NEK1: variants seen among roughly 807,000 people sequenced by gnomAD.
NEK1 encodes serine/threonine-protein kinase Nek1.
A neutral mutation model predicts 182.1 loss-of-function variants in NEK1; 137 were observed. That is an observed-to-expected ratio of 0.75 (90% CI 0.65 to 0.87). The LOEUF (loss-of-function observed/expected upper bound fraction) is 0.87, where lower values mean the gene tolerates loss of function less well. NEK1 is among the 40% of genes least tolerant of loss of function. NEK1 has a pLI of 0.00. For synonymous variants in NEK1, 513 were observed against 492.2 expected, an observed-to-expected ratio of 1.04 and a Z score of -0.56; for missense variants, 1,391 against 1,494.4, an observed-to-expected ratio of 0.93 and a Z score of 1.14.
At chr4:169,576,512 A>G (rs925811258) in intron 12 of NEK1, 4 of 154,238 alleles carry the variant, frequency 2.6e-5, no homozygotes, top group African/African-American at 9.6e-5. Flanking sequence ...TTCATCTGAA[A>G]TATGACAGAG....
chr4:169,503,234 A>G (rs1391187254), intron 23 of NEK1, among the ~76,000 whole-genome samples: 1 of 152,196 alleles, frequency 6.6e-6, no homozygotes, highest in Non-Finnish European at 1.5e-5. Context: ...TAGATGACAT[A>G]AACAAATGGA....
intron 4 of NEK1, among the ~76,000 whole-genome samples, chr4:169,601,793 G>A (rs553984472): frequency 1.5e-4 from 23 of 151,264 alleles, no homozygotes; most frequent in Admixed American, 1.5e-3. Context: ...CCGAGATCAT[G>A]CCCCTGCACT....
intron 23 of NEK1, among the ~76,000 whole-genome samples, chr4:169,492,319 G>C (rs915866506): frequency 4.1e-4 from 62 of 152,156 alleles, no homozygotes; most frequent in Admixed American, 1.4e-3. Context: ...GGAAACAGAG[G>C]GAACAGAGCC....
intron 2 of NEK1, among the ~76,000 whole-genome samples, chr4:169,608,600 G>C (rs115360205): frequency 6.6e-6 from 1 of 152,014 alleles, no homozygotes; most frequent in African/African-American, 2.4e-5. Flanking sequence ...CTATTACAAC[G>C]ATCTCATTTT....
At chr4:169,483,831 A>C (rs1372821826) in intron 23 of NEK1, among the ~76,000 whole-genome samples, 1 of 141,984 alleles carries the variant, frequency 7.0e-6, no homozygotes, top group Non-Finnish European at 1.5e-5. Flanking sequence ...GTGCCACTGC[A>C]CTCCAGCCTG....
intron 18 of NEK1, among the ~76,000 whole-genome samples, chr4:169,543,696 C>T (rs1003032433): frequency 3.3e-5 from 5 of 152,066 alleles, no homozygotes; most frequent in African/African-American, 1.2e-4. Context: ...TGAAGAGGTC[C>T]TTCACATACC....
At chr4:169,499,668 T>G (rs1387951219) in intron 23 of NEK1, among the ~76,000 whole-genome samples, 1 of 152,192 alleles carries the variant, frequency 6.6e-6, no homozygotes, top group Non-Finnish European at 1.5e-5. Flanking sequence ...GGAGATCCAC[T>G]CCAGACCGTT....
chr4:169,606,969 G>A (rs1400474781), intron 2 of NEK1, among the ~76,000 whole-genome samples: 2 of 152,204 alleles, frequency 1.3e-5, no homozygotes, highest in Non-Finnish European at 2.9e-5. Flanking sequence ...GTATAAAGCA[G>A]CAGTCTTGCT....
At chr4:169,514,953 T>C (rs1754885613) in intron 19 of NEK1, among the ~76,000 whole-genome samples, 1 of 152,156 alleles carries the variant, frequency 6.6e-6, no homozygotes, top group South Asian at 2.1e-4. Flanking sequence ...ACATTTCTTC[T>C]ACTGTCTGCA....
intron 23 of NEK1, among the ~76,000 whole-genome samples, chr4:169,502,112 A>T (rs1000999340): frequency 6.6e-6 from 1 of 152,002 alleles, no homozygotes; most frequent in African/African-American, 2.4e-5. Context: ...TACTATAAAC[A>T]TCCCCATGTG....
At chr4:169,563,232 A>G (rs11943094) in intron 12 of NEK1, among the ~76,000 whole-genome samples, 43,705 of 151,640 alleles carry the variant, frequency 0.29, 8,930 homozygotes, top group African/African-American at 0.59. Flanking sequence ...CATGTGGCCC[A>G]CACCTGTTGT....
intron 23 of NEK1, among the ~76,000 whole-genome samples, chr4:169,504,585 A>G (rs1474306070): frequency 6.6e-6 from 1 of 152,176 alleles, no homozygotes; most frequent in Non-Finnish European, 1.5e-5. Flanking sequence ...TTGCAACAAT[A>G]TGAAAGGAAC....
chr4:169,472,366 T>A (rs1421919808), intron 26 of NEK1, among the ~76,000 whole-genome samples: 3 of 152,096 alleles, frequency 2.0e-5, no homozygotes, highest in Non-Finnish European at 4.4e-5. Flanking sequence ...CAGTCCTTCA[T>A]GGCTTGCCTT....
chr4:169,594,837 G>A (rs1769165102), intron 5 of NEK1, among the ~76,000 whole-genome samples: 1 of 152,166 alleles, frequency 6.6e-6, no homozygotes, highest in Non-Finnish European at 1.5e-5. Flanking sequence ...GCATGCTTTA[G>A]AGAAGGCCCT....
chr4:169,593,431 A>G (rs968970745), intron 5 of NEK1, among the ~76,000 whole-genome samples: 1 of 152,212 alleles, frequency 6.6e-6, no homozygotes, highest in African/African-American at 2.4e-5. Flanking sequence ...TAAACCAGTA[A>G]TTAAAGGGAG....
intron 7 of NEK1, 101 bp downstream of exon 7, chr4:169,589,346 G>T (rs767715410): frequency 1.2e-5 from 9 of 734,132 alleles, no homozygotes; most frequent in Non-Finnish European, 2.1e-5. Flanking sequence ...TCCCAGTAAA[G>T]AATGTACTTA....
At chr4:169,426,854 G>A (rs771048855) in intron 29 of NEK1, among the ~76,000 whole-genome samples, 4 of 151,998 alleles carry the variant, frequency 2.6e-5, no homozygotes, top group Non-Finnish European at 4.4e-5. Context: ...AAAATGGTTT[G>A]TAGCACAGAA....
intron 16 of NEK1, among the ~76,000 whole-genome samples, chr4:169,560,481 G>A (rs573097782): frequency 6.6e-6 from 1 of 152,150 alleles, no homozygotes; most frequent in South Asian, 2.1e-4. Context: ...CGTAACCCTG[G>A]GAGAGACCAT....
At chr4:169,547,050 T>C (rs947462965) in intron 18 of NEK1, among the ~76,000 whole-genome samples, 5 of 152,232 alleles carry the variant, frequency 3.3e-5, no homozygotes, top group Non-Finnish European at 7.3e-5. Context: ...CATTAGTTGA[T>C]GCAGTTTCTT....
Sources: gnomAD v4.1 joint callset for allele counts (sites outside exome capture counted in the v4.1 genomes callset) on GRCh38, gnomAD v4.1.1 for gene constraint, MANE v1.5 for transcripts, NCBI Gene and HGNC (gene_info 2026-07-23, HGNC 2026-07-21) for gene names.